Variants in CDH12 observed in about 807,000 individuals in gnomAD.
CDH12 encodes the protein cadherin-12.
A neutral mutation model predicts 74.1 loss-of-function variants in CDH12; 41 were observed. That is an observed-to-expected ratio of 0.55 (90% CI 0.43 to 0.72). CDH12 has a LOEUF of 0.72. Ranked by LOEUF, CDH12 falls within the 30% of genes least tolerant of loss-of-function variation. The pLI is 0.00. For synonymous variants in CDH12, 399 were observed against 355.0 expected (o/e 1.12, Z -1.39); for missense variants, 945 against 977.2 (o/e 0.97, Z 0.44).
intron 1 of CDH12, among the ~76,000 whole-genome samples, chr5:22,677,855 G>C (rs1741280369): frequency 6.6e-6 from 1 of 152,058 alleles, no homozygotes; most frequent in South Asian, 2.1e-4. Context: ...TCTGAGATCA[G>C]GGTGCCAACG....
chr5:22,106,168 A>T (rs1236064506), intron 4 of CDH12, among the ~76,000 whole-genome samples: 1 of 152,160 alleles, frequency 6.6e-6, no homozygotes, highest in Non-Finnish European at 1.5e-5. Context: ...CAGGAAAGGT[A>T]ACTATTGGGT....
chr5:22,397,979 G>C (rs900866622), intron 3 of CDH12, among the ~76,000 whole-genome samples: 1 of 152,008 alleles, frequency 6.6e-6, no homozygotes, highest in Non-Finnish European at 1.5e-5. Context: ...TGGAATTCTA[G>C]CCTCCAGGAT....
chr5:22,557,583 A>G (rs1738853428), intron 1 of CDH12, among the ~76,000 whole-genome samples: 1 of 152,108 alleles, frequency 6.6e-6, no homozygotes, highest in African/African-American at 2.4e-5. Flanking sequence ...GTCAGTTTCA[A>G]GTGGGGTAAT....
At chr5:22,165,244 C>A (rs1396748672) in intron 4 of CDH12, among the ~76,000 whole-genome samples, 2 of 152,140 alleles carry the variant, frequency 1.3e-5, no homozygotes, top group East Asian at 3.9e-4. Flanking sequence ...GTGATCAGTT[C>A]TTGTTACTTC....
intron 3 of CDH12, among the ~76,000 whole-genome samples, chr5:22,380,611 C>T (rs1010707567): frequency 1.8e-4 from 27 of 152,016 alleles, no homozygotes; most frequent in Non-Finnish European, 3.1e-4. Flanking sequence ...AAAAACTACA[C>T]GCATTTTCTT....
chr5:22,739,800 C>A (rs1167558917), intron 1 of CDH12, among the ~76,000 whole-genome samples: 1 of 152,022 alleles, frequency 6.6e-6, no homozygotes, highest in African/African-American at 2.4e-5. Flanking sequence ...TTAGTGTGAA[C>A]TAGTACAATG....
Position 21,755,845 on chromosome 5 carries a change from A to G in CDH12, c.1634-3T>C. 1 of 1,613,836 alleles carries G rather than the reference A, an allele frequency of 6.2e-7. No homozygotes were observed. Among genetic ancestry groups the G allele is most frequent in the Non-Finnish European group, 8.5e-7 (1 of 1,179,782 alleles). ...GGTTTCAATCCCCGCTGTGTTGTCTACAAAACATGACATTTATGGTAACAT... is the reference window on the plus strand; with the variant it reads ...GGTTTCAATCCCCGCTGTGTTGTCTGCAAAACATGACATTTATGGTAACAT... On this transcript the variant is annotated splice_region_variant and splice_polypyrimidine_tract_variant and intron_variant, in intron 13 of 14. Transcript: ENST00000382254.
In CDH12 at chr5:21,887,934, C is replaced by T. The variant is rs117502605; in HGVS notation, c.527-33144G>A. On this transcript the variant is annotated intron_variant, in intron 6 of 14. Coordinates refer to ENST00000382254, the MANE Select transcript of CDH12 (RefSeq NM_004061.5). ...TGTATTTTTTTTTTCCCCTTAGTTC[C>T]AGGTTTTCTTTCACCTCTTTCCATT... Among the ~76,000 whole-genome samples the T allele has an allele frequency of 3.0e-3, 454 of 151,828 alleles. 18 individuals carry two copies. The East Asian group carries it at 0.081, about 27-fold the overall frequency.
Position 21,967,768 on chromosome 5 carries a change from C to T in CDH12, c.526+7323G>A, listed in dbSNP as rs149351297. On this transcript the variant is annotated intron_variant, in intron 6 of 14. Transcript: ENST00000382254. ...AATAAAAACACAGGAATCAAACAGACGAATAAAATGCTCCCTGCCCACACA... is the reference window on the plus strand; with the variant it reads ...AATAAAAACACAGGAATCAAACAGATGAATAAAATGCTCCCTGCCCACACA... Among the ~76,000 whole-genome samples, 507 of 152,248 alleles carry T rather than the reference C, an allele frequency of 3.3e-3. 1 individual carries two copies. Among genetic ancestry groups the T allele is most frequent in the Middle Eastern group, 0.014 (4 of 294 alleles).
intron 1 of CDH12, among the ~76,000 whole-genome samples, chr5:22,521,108 A>G (rs1737036525): frequency 6.6e-6 from 1 of 151,964 alleles, no homozygotes; most frequent in Non-Finnish European, 1.5e-5. Flanking sequence ...TTCTGGTAAT[A>G]TAGAGATCAT....
intron 1 of CDH12, among the ~76,000 whole-genome samples, chr5:22,647,372 ATATAT>A (rs1739497047): frequency 1.3e-5 from 2 of 151,786 alleles, no homozygotes; most frequent in Non-Finnish European, 2.9e-5. Context: ...TTTATTCTCT[ATATAT>A]TATAATTTAG....
At chr5:21,840,234 T>C (rs1011107672) in intron 8 of CDH12, among the ~76,000 whole-genome samples, 1 of 152,188 alleles carries the variant, frequency 6.6e-6, no homozygotes, top group Non-Finnish European at 1.5e-5. Flanking sequence ...GGCTCCATAT[T>C]ACATTAGATT....
intron 5 of CDH12, among the ~76,000 whole-genome samples, chr5:22,041,974 T>C (rs748674438): frequency 1.2e-4 from 19 of 152,166 alleles, no homozygotes; most frequent in Admixed American, 2.6e-4. Flanking sequence ...ACCACAATGG[T>C]ATGAAACTAG....
chr5:22,446,232 G>A (rs1744810765), intron 2 of CDH12, among the ~76,000 whole-genome samples: 1 of 151,982 alleles, frequency 6.6e-6, no homozygotes, highest in Non-Finnish European at 1.5e-5. Context: ...GCTCTCTCTA[G>A]GTTTGATTCG....
At chr5:21,997,821 T>C (rs993891625) in intron 5 of CDH12, among the ~76,000 whole-genome samples, 2 of 152,186 alleles carry the variant, frequency 1.3e-5, no homozygotes, top group African/African-American at 4.8e-5. Flanking sequence ...TAAGAGATGA[T>C]TATATCTAAA....
chr5:22,425,297 G>A (rs932114178), intron 2 of CDH12, among the ~76,000 whole-genome samples: 4 of 150,744 alleles, frequency 2.7e-5, no homozygotes, highest in Non-Finnish European at 5.9e-5. Flanking sequence ...TTATGGTTTT[G>A]TGAGTGTGGT....
chr5:22,539,278 A>G (rs1180988232), intron 1 of CDH12, among the ~76,000 whole-genome samples: 2 of 152,202 alleles, frequency 1.3e-5, no homozygotes, highest in African/African-American at 4.8e-5. Context: ...TCTTGACTGT[A>G]CATAAAGTTT....
intron 1 of CDH12, among the ~76,000 whole-genome samples, chr5:22,758,529 A>C: frequency 6.6e-6 from 1 of 150,668 alleles, no homozygotes. Flanking sequence ...CATCCATTTG[A>C]TTTATAGTTT....
At chr5:22,810,041 T>G (rs1749058396) in intron 1 of CDH12, among the ~76,000 whole-genome samples, 1 of 152,164 alleles carries the variant, frequency 6.6e-6, no homozygotes. Context: ...TTTAAAACAC[T>G]ATATTTTATT....
Sources: gnomAD v4.1 joint callset for allele counts (sites outside exome capture counted in the v4.1 genomes callset) on GRCh38, gnomAD v4.1.1 for gene constraint, MANE v1.5 for transcripts, NCBI Gene and HGNC (gene_info 2026-07-23, HGNC 2026-07-21) for gene names.